The following PCDH7 variants were observed in gnomAD, a reference collection of about 807,000 sequenced individuals.
PCDH7 encodes protocadherin-7.
A neutral mutation model predicts 58.9 loss-of-function variants in PCDH7; 17 were observed. That is an observed-to-expected ratio of 0.29 (90% CI 0.20 to 0.43). PCDH7 has a LOEUF of 0.43. Among genes scored for constraint, PCDH7 ranks in the 20% least tolerant of loss-of-function variants. The pLI is 1.00. For missense variants in PCDH7, 1,274 were observed against 1,441.0 expected (o/e 0.88, Z 1.88); for synonymous variants, 664 against 616.4 (o/e 1.08, Z -1.14).
At chr4:30,894,915 A>G (rs1739209695) in intron 1 of PCDH7, among the ~76,000 whole-genome samples, 1 of 151,716 alleles carries the variant, frequency 6.6e-6, no homozygotes, top group Non-Finnish European at 1.5e-5. Flanking sequence ...AATAAGCAAC[A>G]TATGCAAAAC....
At chr4:31,002,782 A>G (rs1438037865) in intron 3 of PCDH7, among the ~76,000 whole-genome samples, 2 of 152,206 alleles carry the variant, frequency 1.3e-5, no homozygotes, top group African/African-American at 2.4e-5. Flanking sequence ...TATTGATTCT[A>G]TCTATAGTTA....
At chr4:30,857,752 G>A (rs1733668574) in intron 1 of PCDH7, among the ~76,000 whole-genome samples, 1 of 152,020 alleles carries the variant, frequency 6.6e-6, no homozygotes, top group African/African-American at 2.4e-5. Flanking sequence ...GGTTAAAACT[G>A]TATTTTGAGA....
intron 1 of PCDH7, among the ~76,000 whole-genome samples, chr4:30,822,149 C>A (rs1728458287): frequency 6.6e-6 from 1 of 152,254 alleles, no homozygotes; most frequent in Middle Eastern, 3.4e-3. Context: ...ACTAATTAAA[C>A]TCCTTGATAG....
chr4:30,953,850 A>C (rs983173111), intron 3 of PCDH7, among the ~76,000 whole-genome samples: 1 of 152,168 alleles, frequency 6.6e-6, no homozygotes, highest in Non-Finnish European at 1.5e-5. Context: ...AATGTCCTTA[A>C]GTGGATAATA....
chr4:31,003,454 G>A (rs1317152009), intron 3 of PCDH7, among the ~76,000 whole-genome samples: 2 of 150,678 alleles, frequency 1.3e-5, no homozygotes, highest in Non-Finnish European at 2.9e-5. Flanking sequence ...TTCCTTATCC[G>A]AAGTTCTTGG....
chr4:31,026,765 G>A (rs1754467638), intron 3 of PCDH7, among the ~76,000 whole-genome samples: 1 of 152,058 alleles, frequency 6.6e-6, no homozygotes, highest in South Asian at 2.1e-4. Flanking sequence ...GAAAAAACCT[G>A]CACACACACA....
chr4:30,794,761 T>A (rs1724574398), intron 1 of PCDH7, among the ~76,000 whole-genome samples: 1 of 152,114 alleles, frequency 6.6e-6, no homozygotes, highest in African/African-American at 2.4e-5. Flanking sequence ...GATTGAAAGT[T>A]CTATTTTGTA....
chr4:30,872,280 G>C (rs1214878388), intron 1 of PCDH7, among the ~76,000 whole-genome samples: 1 of 152,038 alleles, frequency 6.6e-6, no homozygotes, highest in African/African-American at 2.4e-5. Flanking sequence ...CCAGGGATCA[G>C]AAAACTTTTT....
rs1720385056 is a variant in PCDH7 at position 31,142,474 on chromosome 4, T to G, written c.*9T>G. 2.9e-6 allele frequency: 4 copies of G among 1,366,126 alleles called. No individual in the cohort carries two copies. The African/African-American group carries it at 5.9e-5, about 20-fold the overall frequency. The allele number at this position is 1,366,126 out of a possible 1,614,324, so 84.6% of individuals were successfully genotyped here. On this transcript the variant is annotated splice_region_variant and 3_prime_UTR_variant, in exon 4 of 4. Coordinates refer to the PCDH7 transcript ENST00000509759. ...TGGCTTATTCTCCTTGGATTTCAGA[T>G]TCAAGGCCTCTTCCAGATGTAGCCC...
chr4:31,058,199 A>G (rs1249260144), intron 3 of PCDH7, among the ~76,000 whole-genome samples: 4 of 152,080 alleles, frequency 2.6e-5, no homozygotes, highest in Non-Finnish European at 5.9e-5. Flanking sequence ...CACACACGCA[A>G]CAAAAATACC....
chr4:30,934,991 A>T (rs569919175), intron 2 of PCDH7, among the ~76,000 whole-genome samples: 1 of 152,220 alleles, frequency 6.6e-6, no homozygotes, highest in East Asian at 1.9e-4. Context: ...GTGCAGTTGG[A>T]CATATATTTT....
At chr4:30,796,799 A>G (rs1249335855) in intron 1 of PCDH7, among the ~76,000 whole-genome samples, 2 of 152,142 alleles carry the variant, frequency 1.3e-5, no homozygotes, top group African/African-American at 4.8e-5. Context: ...ACTAAATCTT[A>G]TAACTTTCGA....
intron 1 of PCDH7, among the ~76,000 whole-genome samples, chr4:30,767,506 A>G (rs936429172): frequency 1.3e-5 from 2 of 152,172 alleles, no homozygotes; most frequent in African/African-American, 4.8e-5. Context: ...TATTTCAACC[A>G]ATCTGAGTTT....
At chr4:30,870,918 C>A (rs960347074) in intron 1 of PCDH7, among the ~76,000 whole-genome samples, 1 of 152,048 alleles carries the variant, frequency 6.6e-6, no homozygotes, top group Non-Finnish European at 1.5e-5. Flanking sequence ...TTCTATGCCC[C>A]AAATTCTGAG....
At chr4:30,833,614 G>A (rs974465309) in intron 1 of PCDH7, among the ~76,000 whole-genome samples, 5 of 152,168 alleles carry the variant, frequency 3.3e-5, no homozygotes, top group African/African-American at 1.2e-4. Context: ...GGGTACATGG[G>A]TAAGGATGTG....
chr4:31,059,159 C>G (rs1305516432), intron 3 of PCDH7, among the ~76,000 whole-genome samples: 3 of 151,836 alleles, frequency 2.0e-5, no homozygotes, highest in Non-Finnish European at 4.4e-5. Context: ...TGCTGACTTT[C>G]ATATGGTTTT....
intron 1 of PCDH7, among the ~76,000 whole-genome samples, chr4:30,905,656 A>G (rs557185840): frequency 2.0e-5 from 3 of 152,262 alleles, no homozygotes; most frequent in Admixed American, 2.0e-4. Flanking sequence ...CATTGTGAAG[A>G]TAGTATTTTT....
At chr4:30,755,951 C>T (rs1311086610) in intron 1 of PCDH7, among the ~76,000 whole-genome samples, 2 of 151,904 alleles carry the variant, frequency 1.3e-5, no homozygotes, top group Non-Finnish European at 2.9e-5. Flanking sequence ...TGGTGGCGTG[C>T]ACCTGTAGTC....
At position 30,813,945 on chromosome 4, in the gene PCDH7, A is replaced by T. The variant is rs999672425; in HGVS notation, c.70+89349A>T. Among the ~76,000 whole-genome samples the T allele has an allele frequency of 1.3e-4, 20 of 152,238 alleles. No homozygotes were observed. The South Asian group carries it at 1.7e-3, about 13-fold the overall frequency. ...GTGAGCTACCGCGCCCAATCGGCTT[A>T]CTTTATTTTTTAAGGAATTGGGTTA... On this transcript the variant is annotated intron_variant, in intron 1 of 3. Transcript: ENST00000509759.
Sources: gnomAD v4.1 joint callset for allele counts (sites outside exome capture counted in the v4.1 genomes callset) on GRCh38, gnomAD v4.1.1 for gene constraint, MANE v1.5 for transcripts, NCBI Gene and HGNC (gene_info 2026-07-23, HGNC 2026-07-21) for gene names.